Variants in ADAMTS3 observed in about 807,000 individuals in gnomAD.
ADAMTS3 encodes the protein ADAM metallopeptidase with thrombospondin type 1 motif 3, also known as A disintegrin and metalloproteinase with thrombospondin motifs 3.
ADAMTS3 carries 73 observed loss-of-function variants against 129.0 expected under a neutral mutation model. That is an observed-to-expected ratio of 0.57 (90% CI 0.47 to 0.69). ADAMTS3 has a LOEUF of 0.69. Ranked by LOEUF, ADAMTS3 falls within the 30% of genes least tolerant of loss-of-function variation. ADAMTS3 has a pLI of 0.00. For missense variants in ADAMTS3, 1,457 were observed against 1,514.5 expected, an observed-to-expected ratio of 0.96 and a Z score of 0.63; for synonymous variants, 477 against 510.8, an observed-to-expected ratio of 0.93 and a Z score of 0.89.
chr4:72,411,143 C>T (rs1030809113), intron 4 of ADAMTS3, among the ~76,000 whole-genome samples: 1 of 152,024 alleles, frequency 6.6e-6, no homozygotes, highest in Admixed American at 6.6e-5. Context: ...GAAAACAATA[C>T]AACTTTTCTA....
At chr4:72,493,322 C>T (rs1719794107) in intron 3 of ADAMTS3, among the ~76,000 whole-genome samples, 1 of 151,772 alleles carries the variant, frequency 6.6e-6, no homozygotes, top group Non-Finnish European at 1.5e-5. Context: ...TGTTATCTTC[C>T]TTTGTTATTC....
At chr4:72,452,229 T>C (rs1270155680) in intron 3 of ADAMTS3, among the ~76,000 whole-genome samples, 1 of 151,734 alleles carries the variant, frequency 6.6e-6, no homozygotes, top group Non-Finnish European at 1.5e-5. Context: ...AGCTCTACAC[T>C]TCACAAAATG....
intron 3 of ADAMTS3, among the ~76,000 whole-genome samples, chr4:72,416,554 T>C (rs558180409): frequency 2.8e-4 from 42 of 152,330 alleles, no homozygotes; most frequent in African/African-American, 1.0e-3. Context: ...TTAGTAGTAA[T>C]GCTGATCTTC....
chr4:72,344,965 C>T (rs1720241645), intron 4 of ADAMTS3, among the ~76,000 whole-genome samples: 1 of 152,050 alleles, frequency 6.6e-6, no homozygotes, highest in African/African-American at 2.4e-5. Flanking sequence ...GAATCTAGTC[C>T]TAAAATACAT....
intron 4 of ADAMTS3, among the ~76,000 whole-genome samples, chr4:72,343,299 T>A (rs1028492460): frequency 6.6e-6 from 1 of 152,118 alleles, no homozygotes; most frequent in African/African-American, 2.4e-5. Context: ...AGGTACCCCC[T>A]TTCCTATTGG....
rs188182726 is a variant in ADAMTS3 at position 72,423,001 on chromosome 4, C to A, written c.505-8030G>T. ...AGTGACATTTTTAAAAAAGTTCCAT[C>A]AAAAATTACAATGTTTTCTTAAAAT... is the stretch of plus-strand genomic sequence containing the variant. On this transcript the variant is annotated intron_variant, in intron 3 of 21. Transcript: ENST00000286657. Among the ~76,000 whole-genome samples, 717 of 152,178 alleles carry A rather than the reference C, an allele frequency of 4.7e-3. 8 individuals are homozygous for A. The highest frequency in any genetic ancestry group is 0.01 in the Middle Eastern group (3 of 294).
intron 3 of ADAMTS3, among the ~76,000 whole-genome samples, chr4:72,520,579 G>A (rs1487808584): frequency 6.6e-6 from 1 of 152,186 alleles, no homozygotes; most frequent in Non-Finnish European, 1.5e-5. Flanking sequence ...CTGCCGCCTT[G>A]CAGTTTGATC....
chr4:72,486,407 C>A (rs929090173), intron 3 of ADAMTS3, among the ~76,000 whole-genome samples: 13 of 152,164 alleles, frequency 8.5e-5, no homozygotes, highest in African/African-American at 1.2e-4. Context: ...TACAGAGAGG[C>A]CTATCTGGCT....
intron 4 of ADAMTS3, among the ~76,000 whole-genome samples, chr4:72,411,088 T>C (rs370677911): frequency 6.6e-6 from 1 of 152,120 alleles, no homozygotes. Context: ...ATTTTTGACT[T>C]AAAAAAACAT....
At chr4:72,363,983 C>T (rs1720797791) in intron 4 of ADAMTS3, among the ~76,000 whole-genome samples, 2 of 151,896 alleles carry the variant, frequency 1.3e-5, no homozygotes, top group African/African-American at 2.4e-5. Context: ...CAAAAGATCT[C>T]CAATATATTA....
intron 3 of ADAMTS3, among the ~76,000 whole-genome samples, chr4:72,487,547 C>T (rs1383485207): frequency 6.6e-6 from 1 of 152,106 alleles, no homozygotes; most frequent in African/African-American, 2.4e-5. Flanking sequence ...TCAGTTATAC[C>T]ACTCTGTAAC....
At chr4:72,351,418 G>A (rs1720432696) in intron 4 of ADAMTS3, among the ~76,000 whole-genome samples, 1 of 151,820 alleles carries the variant, frequency 6.6e-6, no homozygotes, top group Non-Finnish European at 1.5e-5. Flanking sequence ...GAAATATACA[G>A]TGAGAATCCT....
At chr4:72,553,597 GCTCT>G (rs905879875) in intron 2 of ADAMTS3, among the ~76,000 whole-genome samples, 6 of 152,114 alleles carry the variant, frequency 3.9e-5, no homozygotes, top group African/African-American at 1.2e-4. Flanking sequence ...ACTCCAGGCT[GCTCT>G]CTATCCCTTC....
intron 2 of ADAMTS3, among the ~76,000 whole-genome samples, chr4:72,549,167 G>T (rs1721547806): frequency 6.6e-6 from 1 of 152,076 alleles, no homozygotes. Flanking sequence ...CGAATATAAT[G>T]TGTCCATAAA....
intron 3 of ADAMTS3, among the ~76,000 whole-genome samples, chr4:72,426,282 G>A (rs941714494): frequency 2.6e-5 from 4 of 152,164 alleles, no homozygotes; most frequent in Non-Finnish European, 5.9e-5. Context: ...TATGCTGTAA[G>A]TTGCCTGTTC....
chr4:72,404,215 A>C (rs1721995148), intron 4 of ADAMTS3, among the ~76,000 whole-genome samples: 1 of 152,094 alleles, frequency 6.6e-6, no homozygotes, highest in African/African-American at 2.4e-5. Flanking sequence ...TAGCCAAAAT[A>C]ATCTTTACAA....
At chr4:72,378,092 A>C (rs1483507500) in intron 4 of ADAMTS3, among the ~76,000 whole-genome samples, 1 of 152,226 alleles carries the variant, frequency 6.6e-6, no homozygotes, top group Non-Finnish European at 1.5e-5. Flanking sequence ...TAATGTATGA[A>C]CAATCCCATC....
chr4:72,415,998 T>C (rs186458780), intron 3 of ADAMTS3, among the ~76,000 whole-genome samples: 20 of 151,814 alleles, frequency 1.3e-4, no homozygotes, highest in African/African-American at 4.8e-4. Context: ...CTCAAACCTT[T>C]AACTTATTCT....
At chr4:72,536,109 C>G (rs1009922869) in intron 3 of ADAMTS3, among the ~76,000 whole-genome samples, 1 of 152,098 alleles carries the variant, frequency 6.6e-6, no homozygotes, top group African/African-American at 2.4e-5. Context: ...ACCTCATTAT[C>G]GTAATGACAA....
Sources: allele counts gnomAD v4.1 joint callset (sites outside exome capture counted in the v4.1 genomes callset), GRCh38; gene constraint gnomAD v4.1.1; transcripts MANE v1.5; gene names NCBI Gene and HGNC (gene_info 2026-07-23, HGNC 2026-07-21).